The following ATXN8OS variants were observed in gnomAD, a reference collection of about 807,000 sequenced individuals.
ATXN8OS encodes the protein ATXN8 opposite strand lncRNA.
At chr13:70,161,805 A>G (rs1443580533) in intron 4 of ATXN8OS, among the ~76,000 whole-genome samples, 2 of 152,064 alleles carry the variant, frequency 1.3e-5, no homozygotes, top group African/African-American at 4.8e-5. Context: ...AATGCAAACA[A>G]TGAATCCTAA....
intron 2 of ATXN8OS, among the ~76,000 whole-genome samples, chr13:70,129,184 T>C (rs1198446035): frequency 6.6e-6 from 1 of 152,166 alleles, no homozygotes; most frequent in African/African-American, 2.4e-5. Context: ...TTTAGAGCTG[T>C]TCAGTTCATT....
chr13:70,138,175 C>G (rs767602951), intron 3 of ATXN8OS, among the ~76,000 whole-genome samples: 3 of 152,144 alleles, frequency 2.0e-5, no homozygotes, highest in Non-Finnish European at 2.9e-5. Context: ...CAATGTTTCC[C>G]CCTGTTGTGC....
intron 4 of ATXN8OS, among the ~76,000 whole-genome samples, chr13:70,158,401 G>C (rs1433363713): frequency 1.3e-5 from 2 of 152,088 alleles, no homozygotes; most frequent in Non-Finnish European, 2.9e-5. Flanking sequence ...CTGGGCGACA[G>C]GCAAGACTCC....
chr13:70,160,568 T>C (rs1264052922), intron 4 of ATXN8OS, among the ~76,000 whole-genome samples: 2 of 151,078 alleles, frequency 1.3e-5, no homozygotes, highest in Admixed American at 6.6e-5. Context: ...ATATTTTCAA[T>C]ATGGAAATGC....
Position 70,153,869 on chromosome 13 carries a change from T to C in ATXN8OS, n.573+6441T>C, listed in dbSNP as rs549763331. 2.0e-5 allele frequency among the ~76,000 whole-genome samples: 3 copies of C among 152,178 alleles called. No homozygotes were observed. The East Asian group carries it at 5.9e-4, about 30-fold the overall frequency. On this transcript the variant is annotated intron_variant and non_coding_transcript_variant, in intron 4 of 4. Transcript: ENST00000678624. ...CAATTTTTTTTCTTTCTATTTTTTG[T>C]AGAGACACGGTTTTGCCATGTTGCC...
At chr13:70,147,996 G>T (rs1371317557) in intron 4 of ATXN8OS, among the ~76,000 whole-genome samples, 1 of 152,198 alleles carries the variant, frequency 6.6e-6, no homozygotes, top group Non-Finnish European at 1.5e-5. Context: ...CTGATTGGCA[G>T]TTGGTTGAAG....
chr13:70,118,617 A>T (rs1888315378), intron 2 of ATXN8OS, among the ~76,000 whole-genome samples: 1 of 152,102 alleles, frequency 6.6e-6, no homozygotes, highest in Non-Finnish European at 1.5e-5. Context: ...AATTTGTTTC[A>T]AAGAAACAGG....
rs372805554 is a variant in ATXN8OS at position 70,117,370 on chromosome 13, G to GA, written n.398+2079dup. ...TTTAAATATATACAATTATAAAAAT[G>GA]AAAAAAACTATGCTTTTTCCTGGTG... On this transcript the variant is annotated intron_variant and non_coding_transcript_variant, in intron 2 of 4. Coordinates refer to ENST00000678624, the Ensembl canonical transcript of ATXN8OS. Among the ~76,000 whole-genome samples, 756 of 151,956 alleles carry GA rather than the reference G, an allele frequency of 5.0e-3. 7 individuals are homozygous for GA. The highest frequency in any genetic ancestry group is 0.017 in the African/African-American group (701 of 41,484).
intron 4 of ATXN8OS, among the ~76,000 whole-genome samples, chr13:70,152,126 G>T (rs1397696706): frequency 6.6e-6 from 1 of 151,838 alleles, no homozygotes; most frequent in Non-Finnish European, 1.5e-5. Context: ...CTTCTCTAAA[G>T]CTCTTAGTTT....
intron 1 of ATXN8OS, among the ~76,000 whole-genome samples, chr13:70,112,720 A>T (rs922742904): frequency 6.6e-6 from 1 of 152,008 alleles, no homozygotes; most frequent in Non-Finnish European, 1.5e-5. Flanking sequence ...TTGCTGAGTT[A>T]ATTTCATTAG....
At chr13:70,168,245 T>G (rs1286379278) in intron 4 of ATXN8OS, among the ~76,000 whole-genome samples, 1 of 152,108 alleles carries the variant, frequency 6.6e-6, no homozygotes, top group Non-Finnish European at 1.5e-5. Flanking sequence ...CTCTTAATGT[T>G]TCTACATTTT....
intron 4 of ATXN8OS, among the ~76,000 whole-genome samples, chr13:70,163,278 C>A (rs1889031924): frequency 6.6e-6 from 1 of 151,990 alleles, no homozygotes; most frequent in East Asian, 1.9e-4. Context: ...ATTTATGTAC[C>A]TTGTTGATCT....
intron 3 of ATXN8OS, among the ~76,000 whole-genome samples, chr13:70,144,408 A>C (rs1345561591): frequency 6.6e-6 from 1 of 151,988 alleles, no homozygotes; most frequent in East Asian, 1.9e-4. Context: ...CTAGTTGAGT[A>C]ATTATTTTTC....
At chr13:70,119,892 A>G (rs988919120) in intron 2 of ATXN8OS, among the ~76,000 whole-genome samples, 1 of 147,540 alleles carries the variant, frequency 6.8e-6, no homozygotes, top group Non-Finnish European at 1.5e-5. Context: ...AAGATATTTC[A>G]TGATATATAT....
At chr13:70,161,685 C>T (rs1010415128) in intron 4 of ATXN8OS, among the ~76,000 whole-genome samples, 3 of 150,670 alleles carry the variant, frequency 2.0e-5, no homozygotes, top group Admixed American at 6.7e-5. Flanking sequence ...CTCCATGAAA[C>T]CAGAGGCGGT....
chr13:70,158,836 A>G (rs1888967843), intron 4 of ATXN8OS, among the ~76,000 whole-genome samples: 1 of 152,164 alleles, frequency 6.6e-6, no homozygotes. Context: ...AGCCTTTACT[A>G]TGGACTGTAA....
chr13:70,129,329 G>C (rs1171448553), intron 2 of ATXN8OS, among the ~76,000 whole-genome samples: 2 of 151,846 alleles, frequency 1.3e-5, no homozygotes, highest in Non-Finnish European at 2.9e-5. Flanking sequence ...ATCATACTTG[G>C]ATTATGAACT....
At position 70,133,822 on chromosome 13, in the gene ATXN8OS, C is replaced by T. The variant is rs114755676; in HGVS notation, n.499+3938C>T. Among the ~76,000 whole-genome samples, 336 of 152,170 alleles carry T rather than the reference C, an allele frequency of 2.2e-3. 2 individuals are homozygous for T. The highest frequency in any genetic ancestry group is 7.9e-3 in the African/African-American group (326 of 41,518). On this transcript the variant is annotated intron_variant and non_coding_transcript_variant, in intron 3 of 4. Transcript: ENST00000678624. ...CACATATTCATTCTGGACTTGTAGC[C>T]TCCACAACTACAACTATGAGACAAC...
chr13:70,141,444 T>A (rs1428937614), intron 3 of ATXN8OS, among the ~76,000 whole-genome samples: 1 of 152,194 alleles, frequency 6.6e-6, no homozygotes, highest in Non-Finnish European at 1.5e-5. Flanking sequence ...AATATTTTAA[T>A]CTTTCAAATA....
Sources: gnomAD v4.1 joint callset for allele counts (sites outside exome capture counted in the v4.1 genomes callset) on GRCh38, gnomAD v4.1.1 for gene constraint, MANE v1.5 for transcripts, NCBI Gene and HGNC (gene_info 2026-07-23, HGNC 2026-07-21) for gene names.